Variants in HLCS observed in about 807,000 individuals in gnomAD.
The protein encoded by HLCS is biotin--protein ligase.
In HLCS, 53 loss-of-function variants were observed where a neutral mutation model predicts 75.0. The ratio of observed to expected loss-of-function variants is 0.71; its 90% CI spans 0.57 to 0.89. The LOEUF (loss-of-function observed/expected upper bound fraction) is 0.89, where lower values mean the gene tolerates loss of function less well. HLCS is among the 40% of genes least tolerant of loss of function. The pLI, the probability that HLCS is intolerant of heterozygous loss-of-function variation, is 0.00. For missense variants in HLCS, 966 were observed against 1,074.0 expected (o/e 0.90, Z 1.41); for synonymous variants, 431 against 428.6 (o/e 1.01, Z -0.07).
At chr21:36,785,398 A>G (rs1273651368) in intron 6 of HLCS, among the ~76,000 whole-genome samples, 1 of 151,840 alleles carries the variant, frequency 6.6e-6, no homozygotes, top group Non-Finnish European at 1.5e-5. Context: ...TTTTCGTTCA[A>G]ATGGTTATTT....
At chr21:36,935,851 C>T (rs947686336) in intron 4 of HLCS, among the ~76,000 whole-genome samples, 1 of 152,224 alleles carries the variant, frequency 6.6e-6, no homozygotes, top group African/African-American at 2.4e-5. Flanking sequence ...TTTCCCCCTA[C>T]CTATGTATTA....
At chr21:36,960,143 C>T (rs931886111) in intron 2 of HLCS, among the ~76,000 whole-genome samples, 11 of 121,292 alleles carry the variant, frequency 9.1e-5, no homozygotes, top group South Asian at 3.7e-4. Context: ...CCCCCCCCCC[C>T]CCGACCCTGC....
chr21:36,795,982 A>T (rs1349682024), intron 6 of HLCS, among the ~76,000 whole-genome samples: 2 of 152,260 alleles, frequency 1.3e-5, no homozygotes, highest in African/African-American at 2.4e-5. Context: ...GTTTTAAAAA[A>T]ATATTTTGGT....
chr21:36,923,308 C>T (rs1032852843), intron 5 of HLCS, among the ~76,000 whole-genome samples: 13 of 152,292 alleles, frequency 8.5e-5, no homozygotes, highest in African/African-American at 3.1e-4. Flanking sequence ...AGACAAAAAG[C>T]ATGTGGTCTT....
chr21:36,814,940 T>G, intron 6 of HLCS, among the ~76,000 whole-genome samples: 1 of 146,876 alleles, frequency 6.8e-6, no homozygotes, highest in African/African-American at 2.5e-5. Context: ...GGTGGAGGAG[T>G]GGGGGCCCTG....
At chr21:36,965,228 G>A (rs1345386106) in intron 1 of HLCS, among the ~76,000 whole-genome samples, 1 of 152,156 alleles carries the variant, frequency 6.6e-6, no homozygotes, top group African/African-American at 2.4e-5. Flanking sequence ...GGGGCTTTAC[G>A]GTGTGACATA....
intron 1 of HLCS, among the ~76,000 whole-genome samples, chr21:36,986,455 A>C (rs1477249108): frequency 6.6e-6 from 1 of 152,178 alleles, no homozygotes; most frequent in East Asian, 1.9e-4. Context: ...AGTTTCACTC[A>C]TTGCCCAGGC....
chr21:36,834,079 C>G (rs748975206), intron 6 of HLCS, among the ~76,000 whole-genome samples: 1 of 152,164 alleles, frequency 6.6e-6, no homozygotes, highest in Non-Finnish European at 1.5e-5. Flanking sequence ...TTTTCCTAGG[C>G]GAGGGTTCCA....
At chr21:36,757,201 C>G (rs2089637945) in intron 9 of HLCS, among the ~76,000 whole-genome samples, 1 of 152,170 alleles carries the variant, frequency 6.6e-6, no homozygotes, top group African/African-American at 2.4e-5. Context: ...TTATTCAGGA[C>G]TTGGGAAGTA....
chr21:36,837,272 A>T (rs2062447347), intron 6 of HLCS, among the ~76,000 whole-genome samples: 1 of 152,252 alleles, frequency 6.6e-6, no homozygotes, highest in Non-Finnish European at 1.5e-5. Flanking sequence ...AAAGCTATTT[A>T]TAAAAGTTTT....
chr21:36,927,755 A>G (rs143301191), intron 5 of HLCS, among the ~76,000 whole-genome samples: 116 of 152,308 alleles, frequency 7.6e-4, no homozygotes, highest in African/African-American at 2.6e-3. Context: ...CTGAAGAACA[A>G]CTTTATAGTT....
intron 9 of HLCS, chr21:36,759,211 C>T (rs1286505301): frequency 4.2e-6 from 2 of 470,916 alleles, no homozygotes; most frequent in Non-Finnish European, 8.8e-6. Flanking sequence ...CTAAGGACTT[C>T]TGAGATTGCC....
intron 8 of HLCS, among the ~76,000 whole-genome samples, chr21:36,761,122 C>T (rs915199841): frequency 3.9e-5 from 6 of 152,254 alleles, no homozygotes; most frequent in Non-Finnish European, 8.8e-5. Flanking sequence ...CTACGTGTTA[C>T]TCACACCCAG....
chr21:36,957,860 C>A (rs1362354844), intron 2 of HLCS, among the ~76,000 whole-genome samples: 1 of 149,268 alleles, frequency 6.7e-6, no homozygotes, highest in African/African-American at 2.5e-5. Flanking sequence ...ACCCGGGAGG[C>A]AGAGCTTGCA....
At chr21:36,868,401 A>T (rs958014553) in intron 6 of HLCS, among the ~76,000 whole-genome samples, 1 of 152,134 alleles carries the variant, frequency 6.6e-6, no homozygotes, top group Non-Finnish European at 1.5e-5. Flanking sequence ...AGAGAAAGGA[A>T]GGGCACAGGC....
At chr21:36,797,344 A>G (rs1473336604) in intron 6 of HLCS, among the ~76,000 whole-genome samples, 1 of 152,118 alleles carries the variant, frequency 6.6e-6, no homozygotes, top group Non-Finnish European at 1.5e-5. Flanking sequence ...TTGTTTTAAT[A>G]GCATTTAAGA....
intron 5 of HLCS, among the ~76,000 whole-genome samples, chr21:36,899,316 TAA>T (rs1246821706): frequency 6.6e-6 from 1 of 151,982 alleles, no homozygotes; most frequent in African/African-American, 2.4e-5. Context: ...GAAATAAACA[TAA>T]GCTATTTAAA....
At chr21:36,954,532 C>T (rs1446366533) in intron 2 of HLCS, among the ~76,000 whole-genome samples, 1 of 151,484 alleles carries the variant, frequency 6.6e-6, no homozygotes, top group Non-Finnish European at 1.5e-5. Context: ...AGGAGAATGG[C>T]GTGAACCTGG....
chr21:36,940,293 C>T lies in HLCS; in HGVS notation c.331-1299G>A, dbSNP rs181740975. The stretch of plus-strand genomic sequence containing the variant: ...ATACCTTCTCAGGGACACACTGCCC[C>T]GAATTTCATAATTATAGATAAATAA... On this transcript the variant is annotated intron_variant, in intron 2 of 10. Coordinates refer to ENST00000674895, the MANE Select transcript of HLCS (RefSeq NM_001352514.2). 4.3e-3 allele frequency among the ~76,000 whole-genome samples: 650 copies of T among 152,164 alleles called. 1 individual carries two copies. The highest frequency in any genetic ancestry group is 0.014 in the African/African-American group (591 of 41,518).
Sources: allele counts gnomAD v4.1 joint callset (sites outside exome capture counted in the v4.1 genomes callset), GRCh38; gene constraint gnomAD v4.1.1; transcripts MANE v1.5; gene names NCBI Gene and HGNC (gene_info 2026-07-23, HGNC 2026-07-21).